Variants in MSANTD2 observed in about 807,000 individuals in gnomAD.
MSANTD2 encodes the protein Myb/SANT DNA binding domain containing 2, also known as myb/SANT-like DNA-binding domain-containing protein 2.
Under a neutral mutation model 52.6 loss-of-function variants are expected in MSANTD2, and 19 were observed. The ratio of observed to expected loss-of-function variants is 0.36; its 90% confidence interval spans 0.25 to 0.53. The LOEUF (loss-of-function observed/expected upper bound fraction) is 0.53. Ranked by LOEUF, MSANTD2 falls within the 20% of genes least tolerant of loss-of-function variation. MSANTD2 has a pLI of 0.91. For missense variants in MSANTD2, 558 were observed against 716.3 expected, an observed-to-expected ratio of 0.78 and a Z score of 2.52; for synonymous variants, 291 against 289.7, an observed-to-expected ratio of 1.00 and a Z score of -0.04.
At position 124,800,056 on chromosome 11, in the gene MSANTD2, T is replaced by C; in HGVS notation, c.325A>G (p.Thr109Ala). The C allele has an allele frequency of 6.4e-7, 1 of 1,555,416 alleles. No homozygotes were observed. Among genetic ancestry groups the C allele is most frequent in the Non-Finnish European group, 8.6e-7 (1 of 1,161,006 alleles). ...CRGMSWTPAE[T>A]NALIAVWGNE... ...CCCCACACTGCGATGAGCGCGTTCG[T>C]CTCGGCTGGCGTCCACGACATGCCC... Residue 109 changes from threonine to alanine, a missense_variant, in exon 1 of 4, where the codon ACG becomes GCG. Around this residue, in one of 2 missense-constraint regions of MSANTD2, gnomAD observed 408 missense variants for 573.6 expected, o/e 0.71. Transcript: ENST00000374979. The surrounding 1 kb of genome is among the most constrained non-coding windows in gnomAD (Gnocchi z 4.3).
chr11:124,774,347 C>G lies in MSANTD2; in HGVS notation c.766+372G>C, dbSNP rs995632176. 6.6e-6 allele frequency among the ~76,000 whole-genome samples: 1 copy of G among 152,204 alleles called. No individual in the cohort carries two copies. The highest frequency in any genetic ancestry group is 2.1e-4 in the South Asian group (1 of 4,830). ...TGGGCCAAGATATCTTAGCAGTCATCTTAGAACTAGAAGGTACAGGATATT... is the reference window on the plus strand; with the variant it reads ...TGGGCCAAGATATCTTAGCAGTCATGTTAGAACTAGAAGGTACAGGATATT... On this transcript the variant is annotated intron_variant, in intron 2 of 3. Transcript: ENST00000374979. This position sits in a 1 kb window ranked among gnomAD's most constrained non-coding sequence, Gnocchi z 5.1.
At chr11:124,787,164 A>G (rs1351088782) in intron 1 of MSANTD2, among the ~76,000 whole-genome samples, 1 of 152,220 alleles carries the variant, frequency 6.6e-6, no homozygotes, top group Non-Finnish European at 1.5e-5. Flanking sequence ...GTCACACCAT[A>G]TGGAGACCAA....
chr11:124,772,732 G>A (rs1289150622), intron 3 of MSANTD2, among the ~76,000 whole-genome samples: 1 of 109,880 alleles, frequency 9.1e-6, no homozygotes, highest in African/African-American at 3.4e-5. Context: ...GCGAGAGCGA[G>A]ATTCCGTCTC....
intron 3 of MSANTD2, among the ~76,000 whole-genome samples, chr11:124,771,782 G>T (rs560620545): frequency 6.6e-6 from 1 of 152,262 alleles, no homozygotes; most frequent in East Asian, 1.9e-4. Flanking sequence ...ATGTTTTCTT[G>T]TTGTGCTGCC....
intron 1 of MSANTD2, chr11:124,784,280 C>T: frequency 8.1e-6 from 8 of 985,358 alleles, no homozygotes; most frequent in Non-Finnish European, 9.6e-6. Flanking sequence ...TCTCAGTTCA[C>T]ACCTTGGGGG....
At chr11:124,791,688 G>A in intron 1 of MSANTD2, 4 of 1,191,964 alleles carry the variant, frequency 3.4e-6, no homozygotes, top group Non-Finnish European at 4.9e-6. Flanking sequence ...GACAGGCAAG[G>A]CTGTGGCTGG....
intron 1 of MSANTD2, among the ~76,000 whole-genome samples, chr11:124,798,536 T>G (rs932874832): frequency 1.3e-5 from 2 of 152,188 alleles, no homozygotes; most frequent in African/African-American, 2.4e-5. Context: ...TACACTAATT[T>G]AAATTTGTAA....
At chr11:124,792,630 A>G (rs1160605901) in intron 1 of MSANTD2, 1 of 152,214 alleles carries the variant, frequency 6.6e-6, no homozygotes, top group Non-Finnish European at 1.5e-5. Context: ...ATGACACACA[A>G]GACCTTGTTC....
In MSANTD2 at chr11:124,791,689, C is replaced by A; in HGVS notation, c.510+8182G>T. ...AGGGCATTTCTGGAGACAGGCAAGG[C>A]TGTGGCTGGGGAAGGGGAAAGATGA... On this transcript the variant is annotated intron_variant, in intron 1 of 3. Coordinates refer to ENST00000374979, the MANE Select transcript of MSANTD2 (RefSeq NM_001308027.2). The A allele has an allele frequency of 3.3e-6, 4 of 1,194,286 alleles. 1 individual carries two copies. Among genetic ancestry groups the A allele is most frequent in the Admixed American group, 3.7e-5 (2 of 54,304 alleles). The allele number at this position is 1,194,286 out of a possible 1,614,324, so 74.0% of individuals were successfully genotyped here.
intron 3 of MSANTD2, among the ~76,000 whole-genome samples, chr11:124,772,436 G>A (rs989613505): frequency 5.3e-5 from 8 of 152,162 alleles, no homozygotes; most frequent in Admixed American, 3.9e-4. Flanking sequence ...GCTAAGATAC[G>A]AAAGAACGTA....
chr11:124,767,101 G>T lies in MSANTD2; in HGVS notation c.*75C>A. The stretch of plus-strand genomic sequence containing the variant: ...AAGAGTCTGACGGCGGCATCTGGAT[G>T]AGGGGTGGTCCGGGTAATGGGAAGT... On this transcript the variant is annotated 3_prime_UTR_variant, in exon 4 of 4. Coordinates refer to ENST00000374979, the MANE Select transcript of MSANTD2 (RefSeq NM_001308027.2). The surrounding 1 kb of genome is among the most constrained non-coding windows in gnomAD (Gnocchi z 6.5). 2 of 1,424,838 alleles carry T rather than the reference G, an allele frequency of 1.4e-6. No individual in the cohort carries two copies. Among genetic ancestry groups the T allele is most frequent in the African/African-American group, 1.4e-5 (1 of 69,816 alleles). The allele number at this position is 1,424,838 out of a possible 1,614,324, so 88.3% of individuals were successfully genotyped here. A position where few individuals can be genotyped will look rare whatever the true frequency, so the allele number is the denominator to read the frequency against.
At chr11:124,793,065 T>C (rs1591475998) in intron 1 of MSANTD2, among the ~76,000 whole-genome samples, 1 of 152,360 alleles carries the variant, frequency 6.6e-6, no homozygotes, top group East Asian at 1.9e-4. Context: ...TAGTCTCCTT[T>C]AATAATTGAT....
In MSANTD2 at chr11:124,767,520, G is replaced by A; in HGVS notation, c.1336C>T (p.Pro446Ser). ...SPHMEQSSLD[P>S]GKEGRVDLET... The stretch of plus-strand genomic sequence containing the variant: ...AGGTCAACCCGGCCCTCTTTTCCTG[G>A]GTCCAGGGAACTTTGCTCCATGTGT... Residue 446 changes from proline (P) to serine (S), a missense_variant, in exon 4 of 4, where the codon CCA becomes TCA. By Grantham distance (74) the Pro-to-Ser change is moderately conservative. Coordinates refer to ENST00000374979, the MANE Select transcript of MSANTD2 (RefSeq NM_001308027.2). This position sits in a 1 kb window ranked among gnomAD's most constrained non-coding sequence, Gnocchi z 6.5. 1 of 1,614,114 alleles carries A rather than the reference G, an allele frequency of 6.2e-7. No homozygotes were observed. Among genetic ancestry groups the A allele is most frequent in the Non-Finnish European group, 8.5e-7 (1 of 1,180,014 alleles).
intron 1 of MSANTD2, among the ~76,000 whole-genome samples, chr11:124,786,629 T>A (rs752153956): frequency 2.0e-5 from 3 of 152,234 alleles, no homozygotes; most frequent in Non-Finnish European, 1.5e-5. Context: ...TACAATTAAG[T>A]CTTTACTTAT....
rs1945656406 is a variant in MSANTD2, at chr11:124,800,276, A to G, written c.105T>C (p.Asn35=). 2 of 1,568,644 alleles carry G rather than the reference A, an allele frequency of 1.3e-6. No homozygotes were observed. Among genetic ancestry groups the G allele is most frequent in the African/African-American group, 1.4e-5 (1 of 70,686 alleles). ...PASPGGLSDG[N]PSLSDPSTPR... ...GCGTGGAAGGGTCGGACAGCGATGG[A>G]TTTCCGTCGCTCAGGCCACCAGGAG... The change falls in exon 1 of 4, where the codon AAT becomes AAC. Residue 35 remains asparagine (N), a synonymous_variant. Coordinates refer to ENST00000374979, the MANE Select transcript of MSANTD2 (RefSeq NM_001308027.2). This position sits in a 1 kb window ranked among gnomAD's most constrained non-coding sequence, Gnocchi z 4.3.
At chr11:124,775,476 T>C in intron 1 of MSANTD2, 1 of 154,404 alleles carries the variant, frequency 6.5e-6, no homozygotes, top group East Asian at 1.9e-4. Flanking sequence ...AATAATTGCC[T>C]AGACAAATTA....
intron 1 of MSANTD2, among the ~76,000 whole-genome samples, chr11:124,783,220 T>G (rs1001476529): frequency 1.3e-5 from 2 of 152,196 alleles, no homozygotes; most frequent in Non-Finnish European, 1.5e-5. Flanking sequence ...CTGAATCCTA[T>G]CAGCTTGCAC....
chr11:124,797,478 C>A (rs491158), intron 1 of MSANTD2, among the ~76,000 whole-genome samples: 40,942 of 152,024 alleles, frequency 0.27, 5,668 homozygotes, highest in South Asian at 0.36. Flanking sequence ...GCTTAGGCAA[C>A]AGAGCAAAAC....
chr11:124,769,893 G>A (rs1215266367), intron 3 of MSANTD2, among the ~76,000 whole-genome samples: 6 of 152,200 alleles, frequency 3.9e-5, no homozygotes, highest in African/African-American at 1.2e-4. Flanking sequence ...CTCTCACCCT[G>A]AGAGCTAAAA....
Sources: gnomAD v4.1 joint callset for allele counts (sites outside exome capture counted in the v4.1 genomes callset) on GRCh38, gnomAD v4.1.1 for gene constraint, gnomAD v4.1.1 regional missense constraint, Gnocchi (gnomAD v3.1) non-coding constraint, MANE v1.5 for transcripts, NCBI Gene and HGNC (gene_info 2026-07-23, HGNC 2026-07-21) for gene names.